The following PLCXD3 variants were observed in gnomAD, a reference collection of about 807,000 sequenced individuals.
PLCXD3 encodes the protein phosphatidylinositol specific phospholipase C X domain containing 3.
A neutral mutation model predicts 25.5 loss-of-function variants in PLCXD3; 19 were observed. The ratio of observed to expected loss-of-function variants is 0.75; its 90% confidence interval spans 0.52 to 1.09. The LOEUF (loss-of-function observed/expected upper bound fraction) is 1.09, where lower values mean the gene tolerates loss of function less well. Ranked by LOEUF, PLCXD3 falls within the 50% of genes least tolerant of loss-of-function variation. The pLI is 0.00. For synonymous variants in PLCXD3, 174 were observed against 137.6 expected (o/e 1.26, Z -1.85); for missense variants, 411 against 388.1 (o/e 1.06, Z -0.50).
chr5:41,503,818 G>C (rs73081530), intron 1 of PLCXD3, among the ~76,000 whole-genome samples: 1 of 152,134 alleles, frequency 6.6e-6, no homozygotes, highest in South Asian at 2.1e-4. Flanking sequence ...CAATGACTAC[G>C]TCTAGGACTT....
intron 1 of PLCXD3, among the ~76,000 whole-genome samples, chr5:41,436,212 A>G (rs987759057): frequency 7.3e-5 from 11 of 151,708 alleles, no homozygotes; most frequent in African/African-American, 2.7e-4. Flanking sequence ...CCTTAAAAGT[A>G]TCTTAGCAAT....
intron 1 of PLCXD3, among the ~76,000 whole-genome samples, chr5:41,465,393 C>CTACTT (rs1447913253): frequency 1.8e-5 from 1 of 56,340 alleles, no homozygotes; most frequent in Non-Finnish European, 3.3e-5. Flanking sequence ...TTTTGCATTT[C>CTACTT]TACTTGTATT....
At chr5:41,470,021 A>G (rs1748115040) in intron 1 of PLCXD3, among the ~76,000 whole-genome samples, 1 of 152,204 alleles carries the variant, frequency 6.6e-6, no homozygotes, top group Admixed American at 6.6e-5. Flanking sequence ...AGAACTCAAC[A>G]AAAGCCTCTG....
At chr5:41,341,873 C>A (rs1744162255) in intron 2 of PLCXD3, among the ~76,000 whole-genome samples, 1 of 152,160 alleles carries the variant, frequency 6.6e-6, no homozygotes, top group Non-Finnish European at 1.5e-5. Flanking sequence ...AGGTGCCAAA[C>A]AACTCACCTG....
intron 2 of PLCXD3, among the ~76,000 whole-genome samples, chr5:41,351,841 C>T (rs911306513): frequency 6.6e-6 from 1 of 152,084 alleles, no homozygotes; most frequent in African/African-American, 2.4e-5. Context: ...CTAAGTCTAG[C>T]TTATATTATT....
chr5:41,329,909 T>C (rs530377933), intron 2 of PLCXD3, among the ~76,000 whole-genome samples: 32 of 151,374 alleles, frequency 2.1e-4, no homozygotes, highest in Admixed American at 2.0e-3. Context: ...AAATTCTTTT[T>C]TAAGTATATG....
intron 2 of PLCXD3, among the ~76,000 whole-genome samples, chr5:41,327,551 A>G (rs1005325312): frequency 1.3e-5 from 2 of 152,050 alleles, no homozygotes; most frequent in African/African-American, 4.8e-5. Context: ...CATTCATATT[A>G]CCCCTACCTT....
rs184338598 is a variant in PLCXD3, at chr5:41,325,412, C to G, written c.813-11642G>C. 2.1e-3 allele frequency among the ~76,000 whole-genome samples: 321 copies of G among 152,262 alleles called. 2 individuals carry two copies. The highest frequency in any genetic ancestry group is 3.8e-3 in the Non-Finnish European group (261 of 68,022). ...CTAGCAAATGCTACTGAAGTTACAA[C>G]AATTATTTAGGATAGCATTTCTTAA... On this transcript the variant is annotated intron_variant, in intron 2 of 2. Transcript: ENST00000377801.
intron 2 of PLCXD3, among the ~76,000 whole-genome samples, chr5:41,349,350 C>T (rs764270404): frequency 3.3e-5 from 5 of 152,186 alleles, no homozygotes; most frequent in Non-Finnish European, 5.9e-5. Flanking sequence ...TCATCATGAT[C>T]ATCAAACAGC....
At chr5:41,368,616 G>C (rs2150487779) in intron 2 of PLCXD3, among the ~76,000 whole-genome samples, 1 of 152,254 alleles carries the variant, frequency 6.6e-6, no homozygotes, top group South Asian at 2.1e-4. Context: ...TCTTGTGCTG[G>C]ATTTCAAGGC....
At chr5:41,362,385 T>C (rs1398107870) in intron 2 of PLCXD3, among the ~76,000 whole-genome samples, 2 of 152,216 alleles carry the variant, frequency 1.3e-5, no homozygotes, top group Non-Finnish European at 2.9e-5. Flanking sequence ...ACAGATGCTG[T>C]GCAAGGCTAG....
intron 2 of PLCXD3, among the ~76,000 whole-genome samples, chr5:41,379,506 T>C (rs752573678): frequency 1.2e-4 from 18 of 151,896 alleles, no homozygotes; most frequent in Non-Finnish European, 2.1e-4. Context: ...ATCTAGAACG[T>C]TGGGTCTCAA....
Position 41,313,279 on chromosome 5 carries a change from T to C in PLCXD3, c.*338A>G, listed in dbSNP as rs1315258385. The C allele has an allele frequency of 1.2e-5, 3 of 240,952 alleles. No individual in the cohort carries two copies. Among genetic ancestry groups the C allele is most frequent in the South Asian group, 5.2e-5 (1 of 19,400 alleles). 14.9% of individuals were successfully genotyped at this position (240,952 alleles called of 1,614,324 possible). A position where few individuals can be genotyped will look rare whatever the true frequency, so the allele number is the denominator to read the frequency against. ...GAAAGGTTGCAGGGTATAGACAGCG[T>C]AGGAGTCATAGGCTGGAAATAGAGA... On this transcript the variant is annotated 3_prime_UTR_variant, in exon 3 of 3. Coordinates refer to ENST00000377801, the MANE Select transcript of PLCXD3 (RefSeq NM_001005473.3).
chr5:41,483,917 C>T (rs1053585541), intron 1 of PLCXD3, among the ~76,000 whole-genome samples: 1 of 152,002 alleles, frequency 6.6e-6, no homozygotes, highest in Non-Finnish European at 1.5e-5. Context: ...ATTAAATGGC[C>T]TAATTTTACT....
At chr5:41,395,103 C>A (rs1745961360) in intron 1 of PLCXD3, among the ~76,000 whole-genome samples, 2 of 152,008 alleles carry the variant, frequency 1.3e-5, no homozygotes, top group South Asian at 4.1e-4. Flanking sequence ...ATGTTCAAAA[C>A]AATTTAAATA....
chr5:41,363,140 G>A (rs1456225976), intron 2 of PLCXD3, among the ~76,000 whole-genome samples: 1 of 152,132 alleles, frequency 6.6e-6, no homozygotes, highest in Non-Finnish European at 1.5e-5. Context: ...AGAGTTAGTC[G>A]GTACATGGCA....
At chr5:41,378,050 A>T (rs980059887) in intron 2 of PLCXD3, among the ~76,000 whole-genome samples, 1 of 152,100 alleles carries the variant, frequency 6.6e-6, no homozygotes, top group East Asian at 1.9e-4. Flanking sequence ...AAAAGCGAGG[A>T]CAATGTCAGA....
chr5:41,421,645 G>A (rs932063631), intron 1 of PLCXD3, among the ~76,000 whole-genome samples: 1 of 152,202 alleles, frequency 6.6e-6, no homozygotes, highest in Non-Finnish European at 1.5e-5. Context: ...AGCTTGCAGT[G>A]AGCCGAGATT....
chr5:41,486,638 A>G (rs2150524158), intron 1 of PLCXD3, among the ~76,000 whole-genome samples: 1 of 152,318 alleles, frequency 6.6e-6, no homozygotes, highest in Non-Finnish European at 1.5e-5. Flanking sequence ...AAAGGAGCTT[A>G]GAGAGGCAGA....
Sources: gnomAD v4.1 joint callset for allele counts (sites outside exome capture counted in the v4.1 genomes callset) on GRCh38, gnomAD v4.1.1 for gene constraint, MANE v1.5 for transcripts, NCBI Gene and HGNC (gene_info 2026-07-23, HGNC 2026-07-21) for gene names.